MISP3: variants seen among roughly 807,000 people sequenced by gnomAD.
MISP3 encodes MISP family member 3, also known as uncharacterized protein MISP3.
A neutral mutation model predicts 5.5 loss-of-function variants in MISP3; 9 were observed. That is an observed-to-expected ratio of 1.65 (90% CI 0.99 to 2.87). The LOEUF (loss-of-function observed/expected upper bound fraction) is 2.87. Ranked by LOEUF, MISP3 falls within the 30% of genes most tolerant of loss-of-function variation. The probability of loss-of-function intolerance (pLI) is 0.00; values close to 1 mark genes in which losing one functional copy is unlikely to be tolerated. For missense variants in MISP3, 152 were observed against 84.1 expected (o/e 1.81, Z -3.16); for synonymous variants, 87 against 38.1 (o/e 2.28, Z -4.73).
Position 14,074,250 on chromosome 19 carries a change from C to T in MISP3, c.569-140C>T, listed in dbSNP as rs1449809130. 3 of 614,124 alleles carry T rather than the reference C, an allele frequency of 4.9e-6. No individual in the cohort carries two copies. The allele number at this position is 614,124 out of a possible 1,614,324, so 38.0% of individuals were successfully genotyped here. ...TTCTGGGTTCACCTCCCTCCTCCCT[C>T]GGGTTCCTGGGTGCCTGGAGTTGAA... On this transcript the variant is annotated intron_variant, in intron 1 of 2. Transcript: ENST00000587086. This position sits in a 1 kb window ranked among gnomAD's most constrained non-coding sequence, Gnocchi z 4.4.
rs1255943352 is a variant in MISP3 at position 14,073,016 on chromosome 19, G to T, written c.-294G>T. On this transcript the variant is annotated 5_prime_UTR_variant, in exon 1 of 3. Coordinates refer to ENST00000587086, the MANE Select transcript of MISP3 (RefSeq NM_001291291.2). The surrounding 1 kb of genome is among the most constrained non-coding windows in gnomAD (Gnocchi z 8.5). ...AGCTGCTGCGGAGCTGAACACCGAG[G>T]TCCCCAAGCCCTCCGCAAAGGACGT... 9.7e-6 allele frequency: 5 copies of T among 517,596 alleles called. No individual in the cohort carries two copies. In the Admixed American group the frequency reaches 1.1e-4, roughly 12 times the overall value. The allele number at this position is 517,596 out of a possible 1,614,324, so 32.1% of individuals were successfully genotyped here.
chr19:14,073,846 G>T lies in MISP3; in HGVS notation c.537G>T (p.Ala179=). 2.8e-6 allele frequency: 2 copies of T among 701,954 alleles called. No homozygotes were observed. The highest frequency in any genetic ancestry group is 3.0e-5 in the South Asian group (2 of 67,576). The allele number at this position is 701,954 out of a possible 1,614,324, so 43.5% of individuals were successfully genotyped here. A position where few individuals can be genotyped will look rare whatever the true frequency, so the allele number is the denominator to read the frequency against. The change falls in exon 1 of 3, where the codon GCG becomes GCT. Residue 179 remains alanine, a synonymous_variant. Coordinates refer to ENST00000587086, the MANE Select transcript of MISP3 (RefSeq NM_001291291.2). This position sits in a 1 kb window ranked among gnomAD's most constrained non-coding sequence, Gnocchi z 8.5. ...QRQRRSVYGT[A]EFKEPTPSLT... is the part of the protein sequence containing the mutation. ...AGCGGCGCAGCGTCTATGGCACCGC[G>T]GAGTTCAAGGAGCCTACGCCGAGCC...
At position 14,074,573 on chromosome 19, in the gene MISP3, T is replaced by G. The variant is rs1976658559; in HGVS notation, c.642+110T>G. On this transcript the variant is annotated intron_variant, in intron 2 of 2. Transcript: ENST00000587086. This position sits in a 1 kb window ranked among gnomAD's most constrained non-coding sequence, Gnocchi z 4.4. ...CATCCTCCCTGGAGGGCCACTCTGG[T>G]CAGAACTCAGTCTGGGACGCATCCC... is the stretch of plus-strand genomic sequence containing the variant. The G allele has an allele frequency of 2.9e-6, 2 of 683,794 alleles. No homozygotes were observed. The highest frequency in any genetic ancestry group is 2.0e-5 in the Admixed American group (1 of 49,216). The allele number at this position is 683,794 out of a possible 1,614,324, so 42.4% of individuals were successfully genotyped here. A position where few individuals can be genotyped will look rare whatever the true frequency, so the allele number is the denominator to read the frequency against.
chr19:14,074,893 C>T lies in MISP3; in HGVS notation c.*170C>T, dbSNP rs1293870310. ...GCCCCCTCTATAAAACTTACAGTCC[C>T]CCATTGGGAAACTGACCACCACCCA... On this transcript the variant is annotated 3_prime_UTR_variant, in exon 3 of 3. Coordinates refer to ENST00000587086, the MANE Select transcript of MISP3 (RefSeq NM_001291291.2). The surrounding 1 kb of genome is among the most constrained non-coding windows in gnomAD (Gnocchi z 4.4). 1.6e-6 allele frequency: 1 copy of T among 608,980 alleles called. No homozygotes were observed. Among genetic ancestry groups the T allele is most frequent in the African/African-American group, 1.8e-5 (1 of 54,594 alleles). The allele number at this position is 608,980 out of a possible 1,614,324, so 37.7% of individuals were successfully genotyped here.
Position 14,073,864 on chromosome 19 carries a change from G to T in MISP3, c.555G>T (p.Thr185=), listed in dbSNP as rs1226073220. The T allele has an allele frequency of 2.9e-6, 2 of 701,416 alleles. No homozygotes were observed. Among genetic ancestry groups the T allele is most frequent in the Non-Finnish European group, 2.6e-6 (1 of 384,426 alleles). The allele number at this position is 701,416 out of a possible 1,614,324, so 43.4% of individuals were successfully genotyped here. ...GCACCGCGGAGTTCAAGGAGCCTAC[G>T]CCGAGCCTCACCGGTAAGCCGCGGG... ...VYGTAEFKEP[T]PSLTASRGDG... Residue 185 remains threonine (T), a synonymous_variant, in exon 1 of 3, where the codon ACG becomes ACT. Coordinates refer to ENST00000587086, the MANE Select transcript of MISP3 (RefSeq NM_001291291.2). This position sits in a 1 kb window ranked among gnomAD's most constrained non-coding sequence, Gnocchi z 8.5.
Position 14,073,914 on chromosome 19 carries a change from G to T in MISP3, c.568+37G>T, listed in dbSNP as rs1283067312. 2.7e-5 allele frequency: 19 copies of T among 695,000 alleles called. No homozygotes were observed. The highest frequency in any genetic ancestry group is 4.5e-5 in the Non-Finnish European group (17 of 381,914). 43.1% of individuals were successfully genotyped at this position (695,000 alleles called of 1,614,324 possible). A position where few individuals can be genotyped will look rare whatever the true frequency, so the allele number is the denominator to read the frequency against. ...GCGTAGCAACGCCGGGACCCCCAGG[G>T]TTCCAGCCGCCCCCACCGATTGCCC... On this transcript the variant is annotated intron_variant, in intron 1 of 2. Transcript: ENST00000587086. This position sits in a 1 kb window ranked among gnomAD's most constrained non-coding sequence, Gnocchi z 8.5.
In MISP3 at chr19:14,074,791, C is replaced by T. The variant is rs1286103001; in HGVS notation, c.*68C>T. The T allele has an allele frequency of 2.9e-6, 2 of 691,684 alleles. No homozygotes were observed. Among genetic ancestry groups the T allele is most frequent in the African/African-American group, 3.5e-5 (2 of 57,074 alleles). 42.8% of individuals were successfully genotyped at this position (691,684 alleles called of 1,614,324 possible). On this transcript the variant is annotated 3_prime_UTR_variant, in exon 3 of 3. Transcript: ENST00000587086. The surrounding 1 kb of genome is among the most constrained non-coding windows in gnomAD (Gnocchi z 4.4). Reference sequence around the variant, plus strand: ...GTCAGAGGAACAGGGCGGGGGGCGTCTAGCATTAGGCCTGGAGAAGGGTCG... The same window carrying T: ...GTCAGAGGAACAGGGCGGGGGGCGTTTAGCATTAGGCCTGGAGAAGGGTCG...
In MISP3 at chr19:14,073,741, C is replaced by G. The variant is rs1432900179; in HGVS notation, c.432C>G (p.Ser144Arg). Residue 144 changes from serine (S) to arginine (R), a missense_variant, in exon 1 of 3, where the codon AGC (serine) becomes AGG (arginine). Physicochemically the swap from Ser to Arg is moderately radical, Grantham distance 110. Coordinates refer to ENST00000587086, the MANE Select transcript of MISP3 (RefSeq NM_001291291.2). This position sits in a 1 kb window ranked among gnomAD's most constrained non-coding sequence, Gnocchi z 8.5. Reference protein sequence around the residue: ...AVQGGCRVLGSAPPPFTPSLL... With the variant: ...AVQGGCRVLGRAPPPFTPSLL... ...AGGGCGGGTGCCGGGTGCTGGGCAGCGCCCCGCCGCCTTTCACTCCGTCAC... is the reference window on the plus strand; with the variant it reads ...AGGGCGGGTGCCGGGTGCTGGGCAGGGCCCCGCCGCCTTTCACTCCGTCAC... 1 of 689,060 alleles carries G rather than the reference C, an allele frequency of 1.5e-6. No homozygotes were observed. The allele number at this position is 689,060 out of a possible 1,614,324, so 42.7% of individuals were successfully genotyped here. A position where few individuals can be genotyped will look rare whatever the true frequency, so the allele number is the denominator to read the frequency against.
In MISP3 at chr19:14,074,750, C is replaced by A. The variant is rs1166254664; in HGVS notation, c.*27C>A. The A allele has an allele frequency of 1.3e-5, 9 of 701,132 alleles. No homozygotes were observed. The highest frequency in any genetic ancestry group is 1.5e-5 in the South Asian group (1 of 67,576). 43.4% of individuals were successfully genotyped at this position (701,132 alleles called of 1,614,324 possible). Reference sequence around the variant, plus strand: ...GTTTGAAAAGGCTGGGACCCCCGGCCGGAAGTAACGTACGCGTCAGAGGAA... The same window carrying A: ...GTTTGAAAAGGCTGGGACCCCCGGCAGGAAGTAACGTACGCGTCAGAGGAA... On this transcript the variant is annotated 3_prime_UTR_variant, in exon 3 of 3. Transcript: ENST00000587086. This position sits in a 1 kb window ranked among gnomAD's most constrained non-coding sequence, Gnocchi z 4.4.
In MISP3 at chr19:14,072,794, C is replaced by CG. The variant is rs35026944; in HGVS notation, c.-514dup. ...GGTGCGGGCGACGCCTTGGAACCCA[C>CG]GGCCGCCACTGCCGCCACAGGTGCC... On this transcript the variant is annotated 5_prime_UTR_variant, in exon 1 of 3. Coordinates refer to ENST00000587086, the MANE Select transcript of MISP3 (RefSeq NM_001291291.2). The surrounding 1 kb of genome is among the most constrained non-coding windows in gnomAD (Gnocchi z 6.8). 0.071 allele frequency: 25,444 copies of CG among 357,946 alleles called. 2,809 individuals carry two copies. Among genetic ancestry groups the CG allele is most frequent in the African/African-American group, 0.32 (15,078 of 46,480 alleles). 22.2% of individuals were successfully genotyped at this position (357,946 alleles called of 1,614,324 possible). A position where few individuals can be genotyped will look rare whatever the true frequency, so the allele number is the denominator to read the frequency against.
Position 14,073,921 on chromosome 19 carries a change from C to T in MISP3, c.568+44C>T, listed in dbSNP as rs1976641486. 2 of 688,796 alleles carry T rather than the reference C, an allele frequency of 2.9e-6. No homozygotes were observed. Among genetic ancestry groups the T allele is most frequent in the Non-Finnish European group, 5.3e-6 (2 of 379,180 alleles). 42.7% of individuals were successfully genotyped at this position (688,796 alleles called of 1,614,324 possible). A position where few individuals can be genotyped will look rare whatever the true frequency, so the allele number is the denominator to read the frequency against. ...AACGCCGGGACCCCCAGGGTTCCAG[C>T]CGCCCCCACCGATTGCCCAACTTCA... On this transcript the variant is annotated intron_variant, in intron 1 of 2. Transcript: ENST00000587086. This position sits in a 1 kb window ranked among gnomAD's most constrained non-coding sequence, Gnocchi z 8.5.
rs1241146843 is a variant in MISP3, at chr19:14,072,970, G to A, written c.-340G>A. ...GAAGAGGAGGGCCAGGAGTCCCCAG[G>A]GCCAGACAGCGAAGCCCCAGAGCTG... is the stretch of plus-strand genomic sequence containing the variant. On this transcript the variant is annotated 5_prime_UTR_variant, in exon 1 of 3. Transcript: ENST00000587086. This position sits in a 1 kb window ranked among gnomAD's most constrained non-coding sequence, Gnocchi z 6.8. 3.3e-5 allele frequency: 16 copies of A among 477,892 alleles called. No homozygotes were observed. Among genetic ancestry groups the A allele is most frequent in the South Asian group, 2.2e-4 (14 of 64,746 alleles). 29.6% of individuals were successfully genotyped at this position (477,892 alleles called of 1,614,324 possible).
In MISP3 at chr19:14,074,702, C is replaced by G; in HGVS notation, c.643-4C>G. 2 of 702,372 alleles carry G rather than the reference C, an allele frequency of 2.8e-6. No homozygotes were observed. The highest frequency in any genetic ancestry group is 3.0e-5 in the South Asian group (2 of 67,592). The allele number at this position is 702,372 out of a possible 1,614,324, so 43.5% of individuals were successfully genotyped here. A position where few individuals can be genotyped will look rare whatever the true frequency, so the allele number is the denominator to read the frequency against. On this transcript the variant is annotated splice_polypyrimidine_tract_variant and splice_region_variant and intron_variant, in intron 2 of 2. Coordinates refer to ENST00000587086, the MANE Select transcript of MISP3 (RefSeq NM_001291291.2). The surrounding 1 kb of genome is among the most constrained non-coding windows in gnomAD (Gnocchi z 4.4). ...CGGCCTTCCTTCTGGTCCTCTGTCC[C>G]CAGGAGGAGCGCAAACCTTGAGGTT... is the stretch of plus-strand genomic sequence containing the variant.
chr19:14,074,680 C>G lies in MISP3; in HGVS notation c.643-26C>G. 1.4e-6 allele frequency: 1 copy of G among 701,300 alleles called. No individual in the cohort carries two copies. Among genetic ancestry groups the G allele is most frequent in the Non-Finnish European group, 2.6e-6 (1 of 383,596 alleles). The allele number at this position is 701,300 out of a possible 1,614,324, so 43.4% of individuals were successfully genotyped here. A position where few individuals can be genotyped will look rare whatever the true frequency, so the allele number is the denominator to read the frequency against. ...GCAGTGCGCAGGTCCCTGAGGCCGGCCTTCCTTCTGGTCCTCTGTCCCCAG... is the reference window on the plus strand; with the variant it reads ...GCAGTGCGCAGGTCCCTGAGGCCGGGCTTCCTTCTGGTCCTCTGTCCCCAG... On this transcript the variant is annotated intron_variant, in intron 2 of 2. Transcript: ENST00000587086. The surrounding 1 kb of genome is among the most constrained non-coding windows in gnomAD (Gnocchi z 4.4).
rs1976656360 is a variant in MISP3, at chr19:14,074,481, C to A, written c.642+18C>A. 2 of 701,746 alleles carry A rather than the reference C, an allele frequency of 2.9e-6. No individual in the cohort carries two copies. Among genetic ancestry groups the A allele is most frequent in the Non-Finnish European group, 2.6e-6 (1 of 384,624 alleles). 43.5% of individuals were successfully genotyped at this position (701,746 alleles called of 1,614,324 possible). A position where few individuals can be genotyped will look rare whatever the true frequency, so the allele number is the denominator to read the frequency against. Reference sequence around the variant, plus strand: ...TGGAGCAGGTGGGAGCCCCCTTACCCGTGTGCCTCTAGCGCTTGTCGGTCC... The same window carrying A: ...TGGAGCAGGTGGGAGCCCCCTTACCAGTGTGCCTCTAGCGCTTGTCGGTCC... On this transcript the variant is annotated intron_variant, in intron 2 of 2. Transcript: ENST00000587086. The surrounding 1 kb of genome is among the most constrained non-coding windows in gnomAD (Gnocchi z 4.4).
rs1489348562 is a variant in MISP3, at chr19:14,074,008, C to G, written c.568+131C>G. On this transcript the variant is annotated intron_variant, in intron 1 of 2. Transcript: ENST00000587086. The surrounding 1 kb of genome is among the most constrained non-coding windows in gnomAD (Gnocchi z 4.4). ...CTCCCTCCAAGCTCCCAGACCCCCT[C>G]TCAATTTTGTCTCTTGCCTACCCCT... 1.6e-6 allele frequency: 1 copy of G among 613,962 alleles called. No homozygotes were observed. Among genetic ancestry groups the G allele is most frequent in the Non-Finnish European group, 2.9e-6 (1 of 344,856 alleles). The allele number at this position is 613,962 out of a possible 1,614,324, so 38.0% of individuals were successfully genotyped here.
Position 14,074,601 on chromosome 19 carries a change from G to T in MISP3, c.643-105G>T. On this transcript the variant is annotated intron_variant, in intron 2 of 2. Coordinates refer to ENST00000587086, the MANE Select transcript of MISP3 (RefSeq NM_001291291.2). This position sits in a 1 kb window ranked among gnomAD's most constrained non-coding sequence, Gnocchi z 4.4. Reference sequence around the variant, plus strand: ...GAACTCAGTCTGGGACGCATCCCCGGGGTGAAGAGGAGACGGTGGTCTTGA... The same window carrying T: ...GAACTCAGTCTGGGACGCATCCCCGTGGTGAAGAGGAGACGGTGGTCTTGA... 1.5e-6 allele frequency: 1 copy of T among 685,366 alleles called. No homozygotes were observed. The highest frequency in any genetic ancestry group is 2.7e-6 in the Non-Finnish European group (1 of 370,630). The allele number at this position is 685,366 out of a possible 1,614,324, so 42.5% of individuals were successfully genotyped here.
At position 14,074,220 on chromosome 19, in the gene MISP3, C is replaced by A; in HGVS notation, c.569-170C>A. The A allele has an allele frequency of 1.7e-6, 1 of 598,948 alleles. No individual in the cohort carries two copies. The allele number at this position is 598,948 out of a possible 1,614,324, so 37.1% of individuals were successfully genotyped here. ...CCTCTGAATTTTCGGGCTCCTGCTTCTCCATTCTGGGTTCACCTCCCTCCT... is the reference window on the plus strand; with the variant it reads ...CCTCTGAATTTTCGGGCTCCTGCTTATCCATTCTGGGTTCACCTCCCTCCT... On this transcript the variant is annotated intron_variant, in intron 1 of 2. Transcript: ENST00000587086. The surrounding 1 kb of genome is among the most constrained non-coding windows in gnomAD (Gnocchi z 4.4).
rs1976620300 is a variant in MISP3 at position 14,073,368 on chromosome 19, G to A, written c.59G>A (p.Arg20His). 2.9e-6 allele frequency: 2 copies of A among 698,636 alleles called. No individual in the cohort carries two copies. Among genetic ancestry groups the A allele is most frequent in the East Asian group, 2.7e-5 (1 of 37,094 alleles). 43.3% of individuals were successfully genotyped at this position (698,636 alleles called of 1,614,324 possible). A position where few individuals can be genotyped will look rare whatever the true frequency, so the allele number is the denominator to read the frequency against. The change falls in exon 1 of 3, where the codon CGC becomes CAC. Residue 20 changes from arginine to histidine, a missense_variant. Physicochemically the swap from Arg to His is conservative, Grantham distance 29. Transcript: ENST00000587086. This position sits in a 1 kb window ranked among gnomAD's most constrained non-coding sequence, Gnocchi z 8.5. Reference sequence around the variant, plus strand: ...AGCTGCGAACGCGAGGAGAGCCTGCGCCGGAGCCGGGGCCTGAGCCCGGGC... The same window carrying A: ...AGCTGCGAACGCGAGGAGAGCCTGCACCGGAGCCGGGGCCTGAGCCCGGGC... ...RRSCEREESL[R>H]RSRGLSPGRA...
Sources: allele counts gnomAD v4.1 joint callset, GRCh38; gene constraint gnomAD v4.1.1; non-coding constraint Gnocchi (gnomAD v3.1); transcripts MANE v1.5; gene names NCBI Gene and HGNC (gene_info 2026-07-23, HGNC 2026-07-21).